The following MACF1 variants were observed in gnomAD, a reference collection of about 807,000 sequenced individuals.
MACF1 encodes the protein microtubule-actin cross-linking factor 1.
Under a neutral mutation model 854.8 loss-of-function variants are expected in MACF1, and 193 were observed. The ratio of observed to expected loss-of-function variants is 0.23; its 90% CI spans 0.20 to 0.25. The LOEUF (loss-of-function observed/expected upper bound fraction) is 0.25, where lower values mean the gene tolerates loss of function less well. MACF1 is among the 10% of genes least tolerant of loss of function. The pLI is 1.00. For missense variants in MACF1, 7,722 were observed against 8,929.1 expected (o/e 0.86, Z 5.45); for synonymous variants, 3,185 against 3,226.7 (o/e 0.99, Z 0.44).
intron 2 of MACF1, among the ~76,000 whole-genome samples, chr1:39,101,154 C>T (rs967194256): frequency 6.6e-6 from 1 of 150,388 alleles, no homozygotes; most frequent in Non-Finnish European, 1.5e-5. Context: ...GTCAGGACTT[C>T]AAGACTAGCC....
At chr1:39,263,780 T>C (rs1462970427) in intron 6 of MACF1, among the ~76,000 whole-genome samples, 1 of 136,120 alleles carries the variant, frequency 7.3e-6, no homozygotes, top group Admixed American at 7.3e-5. Flanking sequence ...TCTTTTTTTT[T>C]TTTTTTTTTT....
At chr1:39,227,801 A>C (rs921030432) in intron 1 of MACF1, among the ~76,000 whole-genome samples, 14 of 152,114 alleles carry the variant, frequency 9.2e-5, no homozygotes, top group Non-Finnish European at 1.9e-4. Context: ...GTCTCCATGA[A>C]TTTGCATTAG....
intron 52 of MACF1, among the ~76,000 whole-genome samples, chr1:39,375,727 T>G (rs1343697148): frequency 6.6e-6 from 1 of 152,220 alleles, no homozygotes; most frequent in Non-Finnish European, 1.5e-5. Context: ...AGAACAGGCT[T>G]TGATTGAATT....
intron 96 of MACF1, among the ~76,000 whole-genome samples, 176 bp from the exon 97 acceptor site, chr1:39,469,371 T>A (rs1024597442): frequency 6.6e-6 from 1 of 152,216 alleles, no homozygotes; most frequent in Admixed American, 6.5e-5. Context: ...AGGGAAGAGA[T>A]GACCGGTTCC....
intron 2 of MACF1, among the ~76,000 whole-genome samples, chr1:39,156,749 G>C (rs1036635658): frequency 2.0e-5 from 3 of 152,174 alleles, no homozygotes; most frequent in Admixed American, 6.5e-5. Context: ...ATATCCTACT[G>C]TCTAATTTAC....
intron 2 of MACF1, among the ~76,000 whole-genome samples, chr1:39,235,364 G>A (rs891721839): frequency 1.3e-5 from 2 of 152,242 alleles, no homozygotes; most frequent in East Asian, 1.9e-4. Flanking sequence ...GCGTGGTGGC[G>A]CGAGCCTGCA....
At position 39,441,137 on chromosome 1, in the gene MACF1, T is replaced by C; in HGVS notation, c.18570+12T>C. Reference sequence around the variant, plus strand: ...AGAGCATTGATGAGGTGTGGAGAAATGGATGAGGCACTCAGTTAGAACATT... The same window carrying C: ...AGAGCATTGATGAGGTGTGGAGAAACGGATGAGGCACTCAGTTAGAACATT... On this transcript the variant is annotated intron_variant, in intron 73 of 100. Transcript: ENST00000564288. The C allele has an allele frequency of 9.3e-6, 15 of 1,614,054 alleles. No individual in the cohort carries two copies. Among genetic ancestry groups the C allele is most frequent in the Non-Finnish European group, 1.3e-5 (15 of 1,180,010 alleles).
intron 6 of MACF1, among the ~76,000 whole-genome samples, chr1:39,263,120 C>T (rs190489096): frequency 6.6e-6 from 1 of 152,184 alleles, no homozygotes; most frequent in Non-Finnish European, 1.5e-5. Context: ...AATGGAAATG[C>T]AGAGTAGAAC....
intron 2 of MACF1, among the ~76,000 whole-genome samples, chr1:39,184,278 T>C (rs1352782553): frequency 6.6e-6 from 1 of 152,122 alleles, no homozygotes; most frequent in Non-Finnish European, 1.5e-5. Context: ...CGTGTGTGGG[T>C]TCCTGCACTG....
chr1:39,361,327 A>G lies in MACF1; in HGVS notation c.12454-33A>G, dbSNP rs773923507. 37 of 1,594,478 alleles carry G rather than the reference A, an allele frequency of 2.3e-5. 1 individual carries two copies. The South Asian group carries it at 4.0e-4, about 17-fold the overall frequency. On this transcript the variant is annotated intron_variant, in intron 48 of 100. Transcript: ENST00000564288. ...GGCTCAGATGTCCTGGAATAAGTGA[A>G]CCAGGAGCTGACAGACGTGTTCTTC...
chr1:39,314,361 A>T (rs1646364494), intron 26 of MACF1, among the ~76,000 whole-genome samples: 1 of 152,014 alleles, frequency 6.6e-6, no homozygotes, highest in Non-Finnish European at 1.5e-5. Flanking sequence ...GTGAGCTGAG[A>T]TCGTGCCATT....
intron 79 of MACF1, among the ~76,000 whole-genome samples, chr1:39,443,925 C>T (rs918240048): frequency 2.0e-5 from 3 of 152,062 alleles, no homozygotes; most frequent in East Asian, 1.9e-4. Context: ...AATAGTTACC[C>T]GACAGTATTT....
intron 43 of MACF1, among the ~76,000 whole-genome samples, chr1:39,351,839 C>T (rs979207810): frequency 6.6e-6 from 1 of 152,056 alleles, no homozygotes; most frequent in African/African-American, 2.4e-5. Context: ...CCTCCTGCCT[C>T]GGCCTCCCAA....
At chr1:39,227,057 T>G (rs1030546800) in intron 1 of MACF1, among the ~76,000 whole-genome samples, 8 of 152,132 alleles carry the variant, frequency 5.3e-5, no homozygotes, top group Non-Finnish European at 2.9e-5. Context: ...GTGTTGTGAT[T>G]TTGTTTTTTC....
chr1:39,361,827 G>T (rs998282085), intron 49 of MACF1, 150 bp downstream of exon 49: 2 of 750,326 alleles, frequency 2.7e-6, no homozygotes, highest in Non-Finnish European at 4.4e-6. Flanking sequence ...CGTAAACTAG[G>T]TATCATTTGT....
Position 39,268,548 on chromosome 1 carries a change from C to T in MACF1, c.528+10520C>T, listed in dbSNP as rs950788433. Reference sequence around the variant, plus strand: ...AGCGGCTGGAAGAGACAGAGAGAGGCGGGGAGGGAGGGAGAAAGAATTGGA... The same window carrying T: ...AGCGGCTGGAAGAGACAGAGAGAGGTGGGGAGGGAGGGAGAAAGAATTGGA... On this transcript the variant is annotated intron_variant, in intron 6 of 100. Transcript: ENST00000564288. The T allele has an allele frequency of 1.2e-5, 14 of 1,167,472 alleles. No individual in the cohort carries two copies. The African/African-American group carries it at 1.5e-4, about 12-fold the overall frequency. The allele number at this position is 1,167,472 out of a possible 1,614,324, so 72.3% of individuals were successfully genotyped here. A position where few individuals can be genotyped will look rare whatever the true frequency, so the allele number is the denominator to read the frequency against.
chr1:39,413,107 G>A, intron 58 of MACF1: 3 of 1,607,286 alleles, frequency 1.9e-6, no homozygotes, highest in Non-Finnish European at 1.7e-6. Flanking sequence ...TATGTCAGCT[G>A]TCGCAGGGTT....
At chr1:39,193,164 A>G (rs1171291625) in intron 2 of MACF1, among the ~76,000 whole-genome samples, 1 of 152,100 alleles carries the variant, frequency 6.6e-6, no homozygotes, top group African/African-American at 2.4e-5. Context: ...AATCCTGGGC[A>G]AGATTCTGGA....
chr1:39,092,534 A>G (rs1016252935), intron 2 of MACF1, among the ~76,000 whole-genome samples: 3 of 152,230 alleles, frequency 2.0e-5, no homozygotes, highest in African/African-American at 7.2e-5. Flanking sequence ...CTTAATGTGC[A>G]TGGCGCCCCC....
Sources: allele counts gnomAD v4.1 joint callset (sites outside exome capture counted in the v4.1 genomes callset), GRCh38; gene constraint gnomAD v4.1.1; transcripts MANE v1.5; gene names NCBI Gene and HGNC (gene_info 2026-07-23, HGNC 2026-07-21).